The following DDX46 variants were observed in gnomAD, a reference collection of about 807,000 sequenced individuals.
DDX46 encodes the protein probable ATP-dependent RNA helicase DDX46.
DDX46 carries 30 observed loss-of-function variants against 134.9 expected under a neutral mutation model. The observed-to-expected ratio is 0.22, with a 90% CI of 0.17 to 0.30. The LOEUF (loss-of-function observed/expected upper bound fraction) is 0.30. Ranked by LOEUF, DDX46 falls within the 10% of genes least tolerant of loss-of-function variation. The probability of loss-of-function intolerance (pLI) is 1.00; values close to 1 mark genes in which losing one functional copy is unlikely to be tolerated. For synonymous variants in DDX46, 415 were observed against 404.1 expected (o/e 1.03, Z -0.32); for missense variants, 622 against 1,248.7 (o/e 0.50, Z 7.56).
intron 15 of DDX46, among the ~76,000 whole-genome samples, chr5:134,802,480 C>G (rs893778896): frequency 2.7e-5 from 4 of 150,778 alleles, no homozygotes; most frequent in African/African-American, 9.8e-5. Context: ...TTCTTTTACC[C>G]TGTTGTCAAC....
At chr5:134,772,483 A>G (rs147425637) in intron 4 of DDX46, among the ~76,000 whole-genome samples, 6 of 151,236 alleles carry the variant, frequency 4.0e-5, no homozygotes, top group African/African-American at 9.7e-5. Context: ...GATCCCGCCA[A>G]TGCACTCCAG....
intron 15 of DDX46, among the ~76,000 whole-genome samples, chr5:134,797,719 A>C (rs148439727): frequency 3.9e-5 from 6 of 152,340 alleles, no homozygotes; most frequent in Non-Finnish European, 7.3e-5. Context: ...ATATCTTTGA[A>C]ATACAGTCTA....
chr5:134,767,362 A>G (rs1753607976), intron 3 of DDX46, among the ~76,000 whole-genome samples: 1 of 152,118 alleles, frequency 6.6e-6, no homozygotes. Flanking sequence ...CTTTTCAGGC[A>G]GGGTCTCACT....
At chr5:134,770,010 T>G (rs748635593) in intron 3 of DDX46, among the ~76,000 whole-genome samples, 1 of 152,126 alleles carries the variant, frequency 6.6e-6, no homozygotes, top group Non-Finnish European at 1.5e-5. Flanking sequence ...TCTTAGAAGT[T>G]TATTTCTTAC....
At chr5:134,805,027 T>C in intron 15 of DDX46, 1 of 379,558 alleles carries the variant, frequency 2.6e-6, no homozygotes, top group Non-Finnish European at 5.2e-6. Context: ...ACTTTGTTGG[T>C]ATAAAGGTAA....
chr5:134,818,561 G>T (rs1361703461), intron 20 of DDX46, among the ~76,000 whole-genome samples: 1 of 151,508 alleles, frequency 6.6e-6, no homozygotes, highest in African/African-American at 2.4e-5. Context: ...AATAAGCTGG[G>T]CATGGTGGCG....
Position 134,810,652 on chromosome 5 carries a change from A to G in DDX46, c.2149-569A>G, listed in dbSNP as rs995528048. Among the ~76,000 whole-genome samples, 4 of 151,414 alleles carry G rather than the reference A, an allele frequency of 2.6e-5. No individual in the cohort carries two copies. The East Asian group carries it at 5.8e-4, about 22-fold the overall frequency. Reference sequence around the variant, plus strand: ...AGCCACTGCGTCCAGCCAATTGCATATATTTCTACCTCTGTGTAAAGAAAT... The same window carrying G: ...AGCCACTGCGTCCAGCCAATTGCATGTATTTCTACCTCTGTGTAAAGAAAT... On this transcript the variant is annotated intron_variant, in intron 16 of 22. Coordinates refer to ENST00000452510, the MANE Select transcript of DDX46 (RefSeq NM_001300860.2).
intron 1 of DDX46, among the ~76,000 whole-genome samples, chr5:134,761,449 T>G (rs1015570515): frequency 1.3e-5 from 2 of 152,162 alleles, no homozygotes; most frequent in African/African-American, 4.8e-5. Context: ...GGTAACAAGT[T>G]TGGGTTTCTA....
chr5:134,763,826 A>G, intron 1 of DDX46, 78 bp from the exon 2 acceptor site: 2 of 1,455,106 alleles, frequency 1.4e-6, no homozygotes, highest in Non-Finnish European at 1.8e-6. Flanking sequence ...TGCTGAAATT[A>G]TTTTTAGAAA....
intron 15 of DDX46, among the ~76,000 whole-genome samples, chr5:134,806,632 T>G (rs922462353): frequency 6.6e-6 from 1 of 152,216 alleles, no homozygotes; most frequent in Admixed American, 6.5e-5. Flanking sequence ...TTCCTTTAAA[T>G]CAATCCTTGA....
chr5:134,810,696 C>T lies in DDX46; in HGVS notation c.2149-525C>T, dbSNP rs114100044. 8.4e-3 allele frequency among the ~76,000 whole-genome samples: 1,263 copies of T among 150,736 alleles called. 20 individuals carry two copies. The highest frequency in any genetic ancestry group is 0.028 in the African/African-American group (1,150 of 41,188). On this transcript the variant is annotated intron_variant, in intron 16 of 22. Transcript: ENST00000452510. ...AAGAAATTAGAAATTTTCTAGTTTGCTTGTGTTATTTTAAAATATTAAACT... is the reference window on the plus strand; with the variant it reads ...AAGAAATTAGAAATTTTCTAGTTTGTTTGTGTTATTTTAAAATATTAAACT...
At position 134,822,508 on chromosome 5, in the gene DDX46, A is replaced by T. The variant is rs566914681; in HGVS notation, c.2977+3504A>T. ...CCACCATGCCTGGCTAATGAAAAAA[A>T]TTTTTTTTTCTAGAGACAGGGTCTT... On this transcript the variant is annotated intron_variant, in intron 21 of 22. Coordinates refer to ENST00000452510, the MANE Select transcript of DDX46 (RefSeq NM_001300860.2). Among the ~76,000 whole-genome samples the T allele has an allele frequency of 8.5e-4, 129 of 151,234 alleles. 1 individual carries two copies. The highest frequency in any genetic ancestry group is 7.5e-3 in the Admixed American group (113 of 15,154).
chr5:134,809,074 A>G (rs1335885558), intron 16 of DDX46, among the ~76,000 whole-genome samples: 1 of 152,226 alleles, frequency 6.6e-6, no homozygotes, highest in African/African-American at 2.4e-5. Flanking sequence ...AGAAAAATTC[A>G]TGCACATAGG....
chr5:134,779,605 C>T (rs920620546), intron 6 of DDX46, among the ~76,000 whole-genome samples: 2 of 152,106 alleles, frequency 1.3e-5, no homozygotes, highest in African/African-American at 2.4e-5. Context: ...CTGAAGCAAT[C>T]GTTCTGCTTC....
intron 11 of DDX46, among the ~76,000 whole-genome samples, chr5:134,786,722 G>A (rs1377024431): frequency 2.6e-5 from 4 of 152,140 alleles, no homozygotes; most frequent in South Asian, 4.1e-4. Context: ...GCGCCTGCCT[G>A]TAATATCAGC....
chr5:134,816,346 A>G, intron 18 of DDX46, 84 bp from the exon 19 acceptor site: 2 of 1,301,252 alleles, frequency 1.5e-6, no homozygotes, highest in African/African-American at 3.0e-5. Context: ...TGGTGGAAAC[A>G]TTCCTTATTT....
At chr5:134,791,388 A>C (rs762177110) in intron 13 of DDX46, among the ~76,000 whole-genome samples, 5 of 152,118 alleles carry the variant, frequency 3.3e-5, no homozygotes, top group Non-Finnish European at 7.3e-5. Flanking sequence ...GTGAAACCTC[A>C]TATCTACTAA....
chr5:134,761,931 GGTTT>G (rs1037246806), intron 1 of DDX46, among the ~76,000 whole-genome samples: 4 of 151,752 alleles, frequency 2.6e-5, no homozygotes, highest in African/African-American at 9.7e-5. Context: ...CCCTTTGTTT[GGTTT>G]GTTCTCTCAG....
intron 4 of DDX46, among the ~76,000 whole-genome samples, chr5:134,771,910 C>A (rs1427007005): frequency 1.3e-5 from 2 of 152,154 alleles, no homozygotes; most frequent in African/African-American, 4.8e-5. Flanking sequence ...TAAACATTAT[C>A]AATTGCCTTC....
Sources: allele counts gnomAD v4.1 joint callset (sites outside exome capture counted in the v4.1 genomes callset), GRCh38; gene constraint gnomAD v4.1.1; transcripts MANE v1.5; gene names NCBI Gene and HGNC (gene_info 2026-07-23, HGNC 2026-07-21).